The following PDE1C variants were observed in gnomAD, a reference collection of about 807,000 sequenced individuals.
PDE1C encodes phosphodiesterase 1C.
A neutral mutation model predicts 93.1 loss-of-function variants in PDE1C; 62 were observed. The observed-to-expected ratio is 0.67, with a 90% CI of 0.54 to 0.82. The LOEUF (loss-of-function observed/expected upper bound fraction) is 0.82. PDE1C is among the 40% of genes least tolerant of loss of function. The pLI is 0.00. For synonymous variants in PDE1C, 325 were observed against 310.1 expected (o/e 1.05, Z -0.50); for missense variants, 742 against 884.6 (o/e 0.84, Z 2.04).
chr7:32,302,071 C>A (rs985157588), upstream of PDE1C, among the ~76,000 whole-genome samples: 10 of 152,166 alleles, frequency 6.6e-5, no homozygotes, highest in African/African-American at 2.4e-4. Context: ...CACTACAAAG[C>A]CATTGTTCAG....
chr7:31,701,432 G>A, the PDE1C span, among the ~76,000 whole-genome samples: 18 of 152,306 alleles, frequency 1.2e-4, no homozygotes, highest in Admixed American at 5.9e-4. Flanking sequence ...TGATAGATCA[G>A]CAAAGAAAAT....
intron 1 of PDE1C, among the ~76,000 whole-genome samples, chr7:32,270,526 G>A (rs994263625): frequency 2.0e-5 from 3 of 152,160 alleles, no homozygotes; most frequent in African/African-American, 4.8e-5. Flanking sequence ...AGAAAAGGAG[G>A]TTGGTTTCCA....
chr7:31,942,223 G>A (rs950907865), intron 2 of PDE1C, among the ~76,000 whole-genome samples: 1 of 152,098 alleles, frequency 6.6e-6, no homozygotes, highest in Non-Finnish European at 1.5e-5. Flanking sequence ...AAAGCTCAGG[G>A]CAGAAATCAA....
chr7:31,750,956 A>T (rs981658350), downstream of PDE1C, among the ~76,000 whole-genome samples: 1 of 152,228 alleles, frequency 6.6e-6, no homozygotes, highest in African/African-American at 2.4e-5. Context: ...CCTGCTGACT[A>T]AACTCTATTA....
intron 5 of PDE1C, among the ~76,000 whole-genome samples, chr7:31,875,985 T>C (rs1242094628): frequency 2.0e-5 from 3 of 151,590 alleles, no homozygotes; most frequent in Admixed American, 2.0e-4. Context: ...TAGGGAATTG[T>C]ATTCTCTCAG....
At chr7:31,822,463 C>T (rs1336393721) in intron 14 of PDE1C, among the ~76,000 whole-genome samples, 2 of 152,144 alleles carry the variant, frequency 1.3e-5, no homozygotes, top group Non-Finnish European at 2.9e-5. Flanking sequence ...CTTTCCAAAT[C>T]ATACAAATTT....
intron 3 of PDE1C, among the ~76,000 whole-genome samples, chr7:32,120,703 CA>C (rs1346742898): frequency 6.6e-6 from 1 of 152,026 alleles, no homozygotes; most frequent in Non-Finnish European, 1.5e-5. Context: ...AAAGTCCCCC[CA>C]AAAAACCCCA....
At chr7:32,173,001 A>G (rs985200883) in intron 2 of PDE1C, among the ~76,000 whole-genome samples, 1 of 152,078 alleles carries the variant, frequency 6.6e-6, no homozygotes, top group East Asian at 1.9e-4. Context: ...CAGCAATCCC[A>G]TTGCTGGGTA....
At chr7:32,204,836 C>G (rs927778107) in intron 2 of PDE1C, among the ~76,000 whole-genome samples, 4 of 152,246 alleles carry the variant, frequency 2.6e-5, no homozygotes, top group African/African-American at 9.6e-5. Flanking sequence ...CTCCCAGCTC[C>G]TCCTACCAAT....
chr7:31,703,326 GCT>G, the PDE1C span, among the ~76,000 whole-genome samples: 1 of 152,342 alleles, frequency 6.6e-6, no homozygotes, highest in South Asian at 2.1e-4. Context: ...AACGGGTTGA[GCT>G]CTGTTTACCT....
intron 1 of PDE1C, among the ~76,000 whole-genome samples, chr7:32,295,268 C>A (rs215603): frequency 4.6e-5 from 7 of 152,026 alleles, no homozygotes; most frequent in African/African-American, 1.7e-4. Context: ...GGGCTAGTAC[C>A]GAGGCTCCAG....
intron 3 of PDE1C, among the ~76,000 whole-genome samples, chr7:32,117,670 T>C (rs890726155): frequency 2.0e-5 from 3 of 152,252 alleles, no homozygotes; most frequent in Non-Finnish European, 2.9e-5. Flanking sequence ...GCTTGTAATT[T>C]GTCCTTTCAC....
chr7:31,664,973 A>G, the PDE1C span, among the ~76,000 whole-genome samples: 635 of 152,338 alleles, frequency 4.2e-3, 2 homozygotes, highest in Non-Finnish European at 6.5e-3. Flanking sequence ...AAGGCTCTTC[A>G]GTACATTTAA....
At chr7:32,349,776 C>T (rs1783923590) in intron 1 of PDE1C, among the ~76,000 whole-genome samples, 1 of 152,036 alleles carries the variant, frequency 6.6e-6, no homozygotes, top group Non-Finnish European at 1.5e-5. Context: ...ACTGCAGGCG[C>T]ATGCCACCAC....
At chr7:31,932,449 C>CA (rs1349457686) in intron 2 of PDE1C, among the ~76,000 whole-genome samples, 2 of 151,774 alleles carry the variant, frequency 1.3e-5, no homozygotes, top group Non-Finnish European at 2.9e-5. Context: ...TTTATGTGGC[C>CA]AAAAAACATG....
chr7:32,361,461 T>G (rs1009216750), intron 1 of PDE1C, among the ~76,000 whole-genome samples: 1 of 152,236 alleles, frequency 6.6e-6, no homozygotes, highest in Non-Finnish European at 1.5e-5. Context: ...CTTTATTACA[T>G]TTGCTAGGTG....
the PDE1C span, among the ~76,000 whole-genome samples, chr7:31,662,130 A>G: frequency 2.0e-5 from 3 of 152,174 alleles, no homozygotes; most frequent in Non-Finnish European, 2.9e-5. Flanking sequence ...TGGAAAAGTG[A>G]TATTGTTCAA....
intron 2 of PDE1C, among the ~76,000 whole-genome samples, chr7:31,954,109 T>C (rs1001436959): frequency 5.3e-5 from 8 of 152,258 alleles, no homozygotes; most frequent in African/African-American, 9.6e-5. Flanking sequence ...CAAAGGTTCA[T>C]GCTCCCTCTT....
rs567272842 is a variant in PDE1C, at chr7:32,278,851, T to C, written c.85+19800A>G. Among the ~76,000 whole-genome samples the C allele has an allele frequency of 6.6e-4, 101 of 152,208 alleles. No homozygotes were observed. The South Asian group carries it at 7.9e-3, about 12-fold the overall frequency. On this transcript the variant is annotated intron_variant, in intron 1 of 18. Coordinates refer to the PDE1C transcript ENST00000396193. ...GCACAAAGTAACCGATAATGAAAAA[T>C]AAAACTAGTTTTAAAAGATAAACAA... is the stretch of plus-strand genomic sequence containing the variant.
Sources: allele counts gnomAD v4.1 joint callset (sites outside exome capture counted in the v4.1 genomes callset), GRCh38; gene constraint gnomAD v4.1.1; transcripts MANE v1.5; gene names NCBI Gene and HGNC (gene_info 2026-07-23, HGNC 2026-07-21).